Variants in SLC4A10 observed in about 807,000 individuals in gnomAD.
SLC4A10 encodes the protein solute carrier family 4 member 10.
SLC4A10 carries 42 observed loss-of-function variants against 137.7 expected under a neutral mutation model. The observed-to-expected ratio is 0.30, with a 90% CI of 0.24 to 0.39. SLC4A10 has a LOEUF of 0.39. Ranked by LOEUF, SLC4A10 falls within the 10% of genes least tolerant of loss-of-function variation. The probability of loss-of-function intolerance (pLI) is 1.00; values close to 1 mark genes in which losing one functional copy is unlikely to be tolerated. For missense variants in SLC4A10, 925 were observed against 1,355.0 expected (o/e 0.68, Z 4.98); for synonymous variants, 474 against 464.1 (o/e 1.02, Z -0.27).
At chr2:161,725,901 C>A (rs922914899) in intron 1 of SLC4A10, among the ~76,000 whole-genome samples, 1 of 152,284 alleles carries the variant, frequency 6.6e-6, no homozygotes, top group Non-Finnish European at 1.5e-5. Context: ...GAATACTAAA[C>A]CTACTTCTGG....
chr2:161,975,940 G>A (rs887598270), intron 24 of SLC4A10, among the ~76,000 whole-genome samples: 5 of 152,142 alleles, frequency 3.3e-5, no homozygotes, highest in Admixed American at 6.5e-5. Flanking sequence ...GAGCCTTTAG[G>A]CCATTATAAG....
intron 1 of SLC4A10, among the ~76,000 whole-genome samples, chr2:161,677,687 T>C (rs970548460): frequency 1.1e-4 from 16 of 152,196 alleles, no homozygotes; most frequent in African/African-American, 3.9e-4. Context: ...TTTACATCAG[T>C]TATCTCATTT....
intron 21 of SLC4A10, among the ~76,000 whole-genome samples, chr2:161,960,569 A>C (rs1041255638): frequency 6.6e-6 from 1 of 150,948 alleles, no homozygotes; most frequent in African/African-American, 2.4e-5. Context: ...AAAATACAAA[A>C]ATCAGACGGG....
At chr2:161,697,604 T>C (rs1273784013) in intron 1 of SLC4A10, among the ~76,000 whole-genome samples, 1 of 152,248 alleles carries the variant, frequency 6.6e-6, no homozygotes, top group Non-Finnish European at 1.5e-5. Flanking sequence ...TTGTCAAAGA[T>C]CAGATGGCTG....
chr2:161,654,280 AC>A (rs1366838731), intron 1 of SLC4A10, among the ~76,000 whole-genome samples: 1 of 152,002 alleles, frequency 6.6e-6, no homozygotes, highest in Non-Finnish European at 1.5e-5. Flanking sequence ...TGGAAATTAA[AC>A]CTTTATTTGA....
chr2:161,923,714 A>T (rs1312822258), intron 15 of SLC4A10, among the ~76,000 whole-genome samples: 1 of 152,068 alleles, frequency 6.6e-6, no homozygotes, highest in Non-Finnish European at 1.5e-5. Context: ...TAGGAGATAT[A>T]CCTAATGTTA....
intron 1 of SLC4A10, among the ~76,000 whole-genome samples, chr2:161,660,649 TTTCTTTCTTTCC>T (rs1341169078): frequency 7.1e-6 from 1 of 141,748 alleles, no homozygotes; most frequent in Non-Finnish European, 1.5e-5. Context: ...TCCTTCTTTC[TTTCTTTCTTTCC>T]TTTTTTTTTT....
intron 11 of SLC4A10, among the ~76,000 whole-genome samples, chr2:161,895,623 T>C (rs573356447): frequency 6.6e-6 from 1 of 152,340 alleles, no homozygotes; most frequent in South Asian, 2.1e-4. Context: ...TGTGAGATGG[T>C]ATCTCACTGT....
intron 1 of SLC4A10, among the ~76,000 whole-genome samples, chr2:161,684,807 A>G (rs1030515008): frequency 5.9e-5 from 9 of 152,292 alleles, no homozygotes; most frequent in African/African-American, 1.7e-4. Context: ...TCACAAATTT[A>G]AGTTGAATGC....
At chr2:161,804,704 A>T in intron 3 of SLC4A10, 109 bp downstream of exon 3, 1 of 1,069,862 alleles carries the variant, frequency 9.3e-7, no homozygotes, top group East Asian at 2.9e-5. Flanking sequence ...TTATACTTTT[A>T]TAAAAGACTT....
intron 1 of SLC4A10, among the ~76,000 whole-genome samples, chr2:161,765,435 C>T (rs1233030083): frequency 1.3e-5 from 2 of 151,812 alleles, no homozygotes; most frequent in Non-Finnish European, 2.9e-5. Context: ...GGCAAAACCC[C>T]GTTTCTACTA....
At chr2:161,808,662 G>A (rs184226987) in intron 3 of SLC4A10, among the ~76,000 whole-genome samples, 400 of 152,268 alleles carry the variant, frequency 2.6e-3, no homozygotes, top group Non-Finnish European at 3.1e-3. Context: ...GTGAGAACAT[G>A]CAGTATTTGG....
intron 10 of SLC4A10, among the ~76,000 whole-genome samples, chr2:161,887,519 G>T (rs2062444679): frequency 6.6e-6 from 1 of 152,122 alleles, no homozygotes; most frequent in Non-Finnish European, 1.5e-5. Flanking sequence ...GCATGAGATG[G>T]TATCTCATTG....
At chr2:161,860,478 CAT>C (rs1372680849) in intron 5 of SLC4A10, among the ~76,000 whole-genome samples, 1 of 152,094 alleles carries the variant, frequency 6.6e-6, no homozygotes, top group Non-Finnish European at 1.5e-5. Context: ...ACAATAATAT[CAT>C]ATTGATATTC....
At position 161,666,230 on chromosome 2, in the gene SLC4A10, A is replaced by T. The variant is rs1018902198; in HGVS notation, c.48+41664A>T. Among the ~76,000 whole-genome samples, 7 of 151,716 alleles carry T rather than the reference A, an allele frequency of 4.6e-5. No homozygotes were observed. In the East Asian group the frequency reaches 1.3e-3, roughly 29 times the overall value. On this transcript the variant is annotated intron_variant, in intron 1 of 26. Coordinates refer to ENST00000446997, the MANE Select transcript of SLC4A10 (RefSeq NM_001178015.2). Reference sequence around the variant, plus strand: ...ACGGTTTTTGATAATATCCAAATTAACCTGTAGTTTTCTCTTGACAGAATA... The same window carrying T: ...ACGGTTTTTGATAATATCCAAATTATCCTGTAGTTTTCTCTTGACAGAATA...
intron 2 of SLC4A10, among the ~76,000 whole-genome samples, chr2:161,797,959 C>T (rs1209519298): frequency 2.0e-5 from 3 of 151,938 alleles, no homozygotes; most frequent in Non-Finnish European, 2.9e-5. Flanking sequence ...AATACCTTCC[C>T]AGGGTCAGGT....
intron 15 of SLC4A10, among the ~76,000 whole-genome samples, chr2:161,913,664 T>C (rs1251907316): frequency 1.3e-5 from 2 of 152,208 alleles, no homozygotes; most frequent in African/African-American, 4.8e-5. Context: ...AAGTTATGAC[T>C]TCTGACCTAC....
rs562251996 is a variant in SLC4A10, at chr2:161,802,169, GA to G, written c.131-2277del. ...CATACAGGACAAAAACCTGAATATA[GA>G]AACTATCTTTCAGCTTTCGGTTTGC... On this transcript the variant is annotated intron_variant, in intron 2 of 26. Transcript: ENST00000446997. 4.5e-4 allele frequency among the ~76,000 whole-genome samples: 69 copies of G among 152,108 alleles called. 1 individual carries two copies. Among genetic ancestry groups the G allele is most frequent in the African/African-American group, 1.6e-3 (67 of 41,514 alleles).
At chr2:161,980,607 C>A (rs927490220) in intron 26 of SLC4A10, among the ~76,000 whole-genome samples, 4 of 152,120 alleles carry the variant, frequency 2.6e-5, no homozygotes, top group African/African-American at 9.7e-5. Context: ...CAAGATTGTG[C>A]CACTGCACTC....
Sources: allele counts gnomAD v4.1 joint callset (sites outside exome capture counted in the v4.1 genomes callset), GRCh38; gene constraint gnomAD v4.1.1; transcripts MANE v1.5; gene names NCBI Gene and HGNC (gene_info 2026-07-23, HGNC 2026-07-21).